The following STXBP5L variants were observed in gnomAD, a reference collection of about 807,000 sequenced individuals.
STXBP5L encodes syntaxin-binding protein 5-like.
Under a neutral mutation model 144.5 loss-of-function variants are expected in STXBP5L, and 65 were observed. The ratio of observed to expected loss-of-function variants is 0.45; its 90% CI spans 0.37 to 0.55. STXBP5L has a LOEUF of 0.55. Among genes scored for constraint, STXBP5L ranks in the 20% least tolerant of loss-of-function variants. STXBP5L has a pLI of 0.00. For synonymous variants in STXBP5L, 505 were observed against 469.6 expected (o/e 1.08, Z -0.97); for missense variants, 1,298 against 1,405.5 (o/e 0.92, Z 1.22).
rs2043640462 is a variant in STXBP5L at position 121,105,292 on chromosome 3, A to C, written c.471-9633A>C. ...GCTCCTGTAGTTCCAGCTACTTGGG[A>C]GGCTGAGGCAGGAGAATCGCTTGAA... On this transcript the variant is annotated intron_variant, in intron 5 of 26. Transcript: ENST00000471454. 3.3e-5 allele frequency among the ~76,000 whole-genome samples: 5 copies of C among 152,056 alleles called. No homozygotes were observed. In the South Asian group the frequency reaches 1.0e-3, roughly 32 times the overall value.
chr3:121,227,042 G>C (rs1042186600), intron 11 of STXBP5L, among the ~76,000 whole-genome samples: 4 of 152,020 alleles, frequency 2.6e-5, no homozygotes, highest in South Asian at 2.1e-4. Flanking sequence ...GCTTTCAAGA[G>C]AGATAAGATT....
chr3:121,102,952 C>G (rs1213549818), intron 5 of STXBP5L, among the ~76,000 whole-genome samples: 1 of 152,014 alleles, frequency 6.6e-6, no homozygotes, highest in Non-Finnish European at 1.5e-5. Context: ...TGAAAAAATA[C>G]CCCACATAAC....
intron 5 of STXBP5L, among the ~76,000 whole-genome samples, chr3:121,055,900 C>G (rs1398998004): frequency 6.7e-6 from 1 of 150,294 alleles, no homozygotes; most frequent in East Asian, 2.0e-4. Flanking sequence ...TCCATGTTGC[C>G]CAGGCTGATT....
At position 121,147,136 on chromosome 3, in the gene STXBP5L, T is replaced by C. The variant is rs182497975; in HGVS notation, c.670-5341T>C. Reference sequence around the variant, plus strand: ...AAGTTGACACATATAATACATTATGTATATAGTACTAGCAGACCACACATT... The same window carrying C: ...AAGTTGACACATATAATACATTATGCATATAGTACTAGCAGACCACACATT... On this transcript the variant is annotated intron_variant, in intron 7 of 26. Coordinates refer to ENST00000471454, the MANE Select transcript of STXBP5L (RefSeq NM_001308330.2). Among the ~76,000 whole-genome samples, 9 of 152,202 alleles carry C rather than the reference T, an allele frequency of 5.9e-5. No homozygotes were observed. The East Asian group carries it at 1.7e-3, about 29-fold the overall frequency.
intron 6 of STXBP5L, 143 bp downstream of exon 6, chr3:121,115,202 G>C (rs1036716963): frequency 7.7e-6 from 6 of 777,762 alleles, no homozygotes; most frequent in Non-Finnish European, 1.1e-5. Context: ...ATAACTTAAA[G>C]CCATAAAAGC....
At chr3:121,387,623 G>T (rs915748161) in intron 22 of STXBP5L, among the ~76,000 whole-genome samples, 14 of 152,272 alleles carry the variant, frequency 9.2e-5, no homozygotes, top group South Asian at 6.2e-4. Context: ...TTCTACATAT[G>T]GCTAGCCAGT....
chr3:121,358,133 TTTAAG>T (rs1024114368), intron 20 of STXBP5L, among the ~76,000 whole-genome samples: 46 of 152,270 alleles, frequency 3.0e-4, no homozygotes, highest in African/African-American at 1.1e-3. Context: ...AATTACATTC[TTTAAG>T]TTGTTTTAAA....
chr3:120,912,488 CATAG>C (rs1258516912), intron 2 of STXBP5L, among the ~76,000 whole-genome samples: 1 of 151,546 alleles, frequency 6.6e-6, no homozygotes, highest in Non-Finnish European at 1.5e-5. Flanking sequence ...TAATATCGCC[CATAG>C]GAAGGTAGTA....
chr3:120,927,329 A>T (rs527514970), intron 2 of STXBP5L, among the ~76,000 whole-genome samples: 1 of 152,334 alleles, frequency 6.6e-6, no homozygotes, highest in African/African-American at 2.4e-5. Flanking sequence ...TGAACTTCCT[A>T]TAGCATGATA....
At chr3:121,055,071 C>T (rs1049713935) in intron 5 of STXBP5L, among the ~76,000 whole-genome samples, 1 of 152,066 alleles carries the variant, frequency 6.6e-6, no homozygotes, top group Non-Finnish European at 1.5e-5. Context: ...AGCAAGCTGA[C>T]AGATTTGAGA....
At chr3:121,328,055 A>C (rs2044207140) in intron 20 of STXBP5L, among the ~76,000 whole-genome samples, 1 of 152,186 alleles carries the variant, frequency 6.6e-6, no homozygotes, top group South Asian at 2.1e-4. Context: ...GTTTGTTAGG[A>C]CATACTATTG....
At chr3:121,254,870 A>T in intron 15 of STXBP5L, 25 bp from the exon 16 acceptor site, 1 of 1,544,886 alleles carries the variant, frequency 6.5e-7, no homozygotes, top group East Asian at 2.3e-5. Flanking sequence ...AAATTAGAAG[A>T]TAACTGTGCT....
intron 19 of STXBP5L, among the ~76,000 whole-genome samples, chr3:121,305,463 A>T (rs2043305150): frequency 6.6e-6 from 1 of 152,182 alleles, no homozygotes; most frequent in African/African-American, 2.4e-5. Flanking sequence ...ATAAAGCATC[A>T]TAACCAAGGT....
At chr3:120,977,742 G>A (rs1941246232) in intron 3 of STXBP5L, among the ~76,000 whole-genome samples, 2 of 152,082 alleles carry the variant, frequency 1.3e-5, no homozygotes, top group Admixed American at 1.3e-4. Flanking sequence ...CAGGCCTGGT[G>A]GTGACAAAAT....
intron 9 of STXBP5L, among the ~76,000 whole-genome samples, chr3:121,161,968 T>G (rs1320083101): frequency 6.6e-6 from 1 of 152,102 alleles, no homozygotes; most frequent in Non-Finnish European, 1.5e-5. Flanking sequence ...AAAATTTTAG[T>G]TTCTTATGAT....
In STXBP5L at chr3:121,233,698, C is replaced by A. The variant is rs770624366; in HGVS notation, c.1184+10C>A. 5.6e-6 allele frequency: 9 copies of A among 1,596,186 alleles called. No individual in the cohort carries two copies. The Admixed American group carries it at 1.5e-4, about 27-fold the overall frequency. On this transcript the variant is annotated intron_variant, in intron 12 of 26. Transcript: ENST00000471454. ...ATCTGACACAAAGCAAGTAAGTTAT[C>A]CATGTACAGATTAACACTTTTAAAC...
At position 121,220,334 on chromosome 3, in the gene STXBP5L, G is replaced by A. The variant is rs531874249; in HGVS notation, c.957-2669G>A. Among the ~76,000 whole-genome samples the A allele has an allele frequency of 3.3e-5, 5 of 152,186 alleles. No homozygotes were observed. The South Asian group carries it at 6.2e-4, about 19-fold the overall frequency. On this transcript the variant is annotated intron_variant, in intron 10 of 26. Transcript: ENST00000471454. ...TTTTATTAATGCTTTCTTTAAGTAT[G>A]AGGACATTTCAAGTATATGGTCATT... is the stretch of plus-strand genomic sequence containing the variant.
chr3:120,972,662 G>A (rs1940408866), intron 3 of STXBP5L, among the ~76,000 whole-genome samples: 1 of 152,062 alleles, frequency 6.6e-6, no homozygotes, highest in Admixed American at 6.6e-5. Context: ...TAGGGGGAAT[G>A]CTTTCAACTC....
chr3:121,107,096 T>A (rs1165883921), intron 5 of STXBP5L, among the ~76,000 whole-genome samples: 3 of 152,168 alleles, frequency 2.0e-5, no homozygotes, highest in African/African-American at 7.2e-5. Context: ...TCTTTGTTTT[T>A]TTTTTCTTGT....
Sources: allele counts gnomAD v4.1 joint callset (sites outside exome capture counted in the v4.1 genomes callset), GRCh38; gene constraint gnomAD v4.1.1; transcripts MANE v1.5; gene names NCBI Gene and HGNC (gene_info 2026-07-23, HGNC 2026-07-21).